SLC9A6: variants seen among roughly 807,000 people sequenced by gnomAD.
SLC9A6 encodes the protein solute carrier family 9 member A6, also known as sodium/hydrogen exchanger 6.
A neutral mutation model predicts 45.3 loss-of-function variants in SLC9A6; 6 were observed. The ratio of observed to expected loss-of-function variants is 0.13; its 90% CI spans 0.07 to 0.26. The LOEUF is 0.26. SLC9A6 is among the 10% of genes least tolerant of loss of function. The pLI, the probability that SLC9A6 is intolerant of heterozygous loss-of-function variation, is 1.00. For synonymous variants in SLC9A6, 191 were observed against 187.7 expected (o/e 1.02, Z -0.14); for missense variants, 278 against 503.7 (o/e 0.55, Z 4.29).
chrX:135,980,456 T>C (rs1353781225), upstream of SLC9A6, among the ~76,000 whole-genome samples: 1 of 111,874 alleles, frequency 8.9e-6, no homozygotes, highest in African/African-American at 3.3e-5. Context: ...AGTGAAGCTC[T>C]CTTTTCAGCT....
chrX:135,990,285 C>T (rs1556615519), intron 2 of SLC9A6, among the ~76,000 whole-genome samples: 1 of 112,131 alleles, frequency 8.9e-6, no homozygotes, highest in East Asian at 2.8e-4. Flanking sequence ...AGCACCCAGC[C>T]ATGGTTGTGT....
intron 7 of SLC9A6, among the ~76,000 whole-genome samples, chrX:136,007,617 C>T (rs1184621393): frequency 4.5e-5 from 5 of 111,326 alleles, no homozygotes; most frequent in African/African-American, 9.8e-5. Context: ...AGACTTTTTC[C>T]GTTAAGATAG....
intron 13 of SLC9A6, among the ~76,000 whole-genome samples, chrX:136,028,052 T>C (rs1170165489): frequency 8.9e-6 from 1 of 112,345 alleles, no homozygotes; most frequent in Admixed American, 9.4e-5. Context: ...CCACCTCCTT[T>C]TCCCTCTGTT....
intron 16 of SLC9A6, among the ~76,000 whole-genome samples, chrX:136,037,540 A>G (rs2071431792): frequency 9.0e-6 from 1 of 111,397 alleles, no homozygotes; most frequent in Non-Finnish European, 1.9e-5. Flanking sequence ...ATGTAAATAT[A>G]TAGATAGAAA....
At chrX:136,044,094 C>T (rs782536506) in intron 17 of SLC9A6, among the ~76,000 whole-genome samples, 1 of 111,754 alleles carries the variant, frequency 8.9e-6, no homozygotes, top group Non-Finnish European at 1.9e-5. Context: ...CCTAGAAGCT[C>T]AAGGAAGACT....
chrX:135,976,541 G>T (rs1029672445), intron 1 of SLC9A6, among the ~76,000 whole-genome samples: 1 of 108,106 alleles, frequency 9.3e-6, no homozygotes, highest in Non-Finnish European at 1.9e-5. Context: ...GGCGGAGGTT[G>T]CAGTGAGCCG....
intron 2 of SLC9A6, among the ~76,000 whole-genome samples, chrX:135,994,138 T>G (rs1453824489): frequency 1.8e-5 from 2 of 108,192 alleles, no homozygotes; most frequent in South Asian, 4.2e-4. Flanking sequence ...AGGGTTTCAC[T>G]TTGTTGCCCA....
chrX:136,002,288 TAA>T, intron 7 of SLC9A6, 75 bp downstream of exon 7: 1 of 694,092 alleles, frequency 1.4e-6, no homozygotes, highest in Non-Finnish European at 2.3e-6. Flanking sequence ...ACTTATTGAA[TAA>T]AGTACATTAT....
At chrX:135,987,304 TTA>T (rs1235367272) in intron 2 of SLC9A6, among the ~76,000 whole-genome samples, 1 of 112,401 alleles carries the variant, frequency 8.9e-6, no homozygotes, top group Non-Finnish European at 1.9e-5. Flanking sequence ...AGTGTGTGAT[TTA>T]TTTACTATCC....
At chrX:136,029,296 A>G (rs2071278728) in intron 14 of SLC9A6, 1 of 119,990 alleles carries the variant, frequency 8.3e-6, no homozygotes, top group South Asian at 3.8e-4. Flanking sequence ...GTTTGTAGAG[A>G]GTCTTGAATG....
chrX:136,007,536 G>A (rs1412619077), intron 7 of SLC9A6, among the ~76,000 whole-genome samples: 1 of 111,601 alleles, frequency 9.0e-6, no homozygotes, highest in Non-Finnish European at 1.9e-5. Flanking sequence ...AAAATTTAAA[G>A]CATTTGACTC....
Position 136,047,028 on chromosome X carries a change from C to T in SLC9A6, c.*2304C>T, listed in dbSNP as rs2071610804. The stretch of plus-strand genomic sequence containing the variant: ...GCTGTTAAAGTAATAGACTTTTAAT[C>T]TTTATGTATTTTTTGTTTTCTCTGG... On this transcript the variant is annotated 3_prime_UTR_variant, in exon 18 of 18. Coordinates refer to ENST00000630721, the MANE Select transcript of SLC9A6 (RefSeq NM_001379110.1). 8.9e-6 allele frequency: 1 copy of T among 112,523 alleles called. No individual in the cohort carries two copies. The highest frequency in any genetic ancestry group is 9.5e-5 in the Admixed American group (1 of 10,549). 9.3% of individuals were successfully genotyped at this position (112,523 alleles called of 1,213,427 possible).
chrX:136,024,402 G>C lies in SLC9A6; in HGVS notation c.1379G>C (p.Ser460Thr), dbSNP rs1337489139. The change falls in exon 13 of 18, where the codon AGC (serine) becomes ACC (threonine). Residue 460 changes from serine to threonine, a missense_variant. By Grantham distance (58) the Ser-to-Thr change is moderately conservative. Coordinates refer to ENST00000630721, the MANE Select transcript of SLC9A6 (RefSeq NM_001379110.1). Reference protein sequence around the residue: ...TATYARQMMFSTTLLIVFFTV... With the variant: ...TATYARQMMFTTTLLIVFFTV... Reference sequence around the variant, plus strand: ...ACTTATGCACGGCAAATGATGTTCAGCACCACGCTTCTGATTGTGTTTTTT... The same window carrying C: ...ACTTATGCACGGCAAATGATGTTCACCACCACGCTTCTGATTGTGTTTTTT... 8.3e-7 allele frequency: 1 copy of C among 1,208,487 alleles called. No individual in the cohort carries two copies. Among genetic ancestry groups the C allele is most frequent in the Non-Finnish European group, 1.1e-6 (1 of 894,303 alleles).
At chrX:136,026,814 G>A (rs782527044) in intron 13 of SLC9A6, among the ~76,000 whole-genome samples, 1 of 112,278 alleles carries the variant, frequency 8.9e-6, no homozygotes, top group East Asian at 2.8e-4. Context: ...GGGATTACAG[G>A]CATGAGCCAT....
chrX:136,013,208 G>A, intron 9 of SLC9A6, 141 bp from the exon 10 acceptor site: 1 of 702,222 alleles, frequency 1.4e-6, no homozygotes. Context: ...AAAATTTTCA[G>A]TGGAAGTGGT....
chrX:136,023,383 G>T (rs1344976509), intron 12 of SLC9A6, among the ~76,000 whole-genome samples: 2 of 102,839 alleles, frequency 1.9e-5, no homozygotes, highest in African/African-American at 7.2e-5. Context: ...CCAAAACCTG[G>T]AAACAACCCA....
At position 136,044,721 on chromosome X, in the gene SLC9A6, C is replaced by G; in HGVS notation, c.2037C>G (p.Ala679=). The change falls in exon 18 of 18, where the codon GCC becomes GCG. Residue 679 remains alanine, a synonymous_variant. Transcript: ENST00000630721. ...NLLDNTRHGP[A] ...TAGATAATACGAGACATGGTCCAGC[C>G]TAAGCTTACTAATACTCACTTAGTG... The G allele has an allele frequency of 8.3e-7, 1 of 1,208,803 alleles. No homozygotes were observed. Among genetic ancestry groups the G allele is most frequent in the Non-Finnish European group, 1.1e-6 (1 of 893,038 alleles).
chrX:136,037,228 G>A (rs1295669359), intron 16 of SLC9A6, among the ~76,000 whole-genome samples: 2 of 112,056 alleles, frequency 1.8e-5, no homozygotes, highest in Non-Finnish European at 3.8e-5. Context: ...GAAACAGCTT[G>A]TCAATTTACA....
intron 17 of SLC9A6, among the ~76,000 whole-genome samples, chrX:136,041,291 C>CCA (rs1470538746): frequency 1.3e-4 from 15 of 111,439 alleles, no homozygotes; most frequent in Non-Finnish European, 2.8e-4. Flanking sequence ...TAGACATGCA[C>CCA]CACACACACC....
Sources: gnomAD v4.1 joint callset for allele counts (sites outside exome capture counted in the v4.1 genomes callset) on GRCh38, gnomAD v4.1.1 for gene constraint, MANE v1.5 for transcripts, NCBI Gene and HGNC (gene_info 2026-07-23, HGNC 2026-07-21) for gene names.